SYNE1: variants seen among roughly 807,000 people sequenced by gnomAD.
The protein encoded by SYNE1 is spectrin repeat containing nuclear envelope protein 1.
Under a neutral mutation model 1,111.0 loss-of-function variants are expected in SYNE1, and 616 were observed. That is an observed-to-expected ratio of 0.55 (90% CI 0.52 to 0.59). The LOEUF (loss-of-function observed/expected upper bound fraction) is 0.59, where lower values mean the gene tolerates loss of function less well. Among genes scored for constraint, SYNE1 ranks in the 20% least tolerant of loss-of-function variants. The pLI is 0.00. For synonymous variants in SYNE1, 3,855 were observed against 3,825.8 expected (o/e 1.01, Z -0.28); for missense variants, 10,006 against 10,417.0 (o/e 0.96, Z 1.72).
Position 152,310,265 on chromosome 6 carries a change from T to C in SYNE1, c.17019+131A>G, listed in dbSNP as rs1243483506. 2.9e-6 allele frequency: 4 copies of C among 1,360,128 alleles called. No homozygotes were observed. In the Admixed American group the frequency reaches 5.9e-5, roughly 20 times the overall value. 84.3% of individuals were successfully genotyped at this position (1,360,128 alleles called of 1,614,324 possible). A position where few individuals can be genotyped will look rare whatever the true frequency, so the allele number is the denominator to read the frequency against. On this transcript the variant is annotated intron_variant, in intron 89 of 145. Transcript: ENST00000367255. ...GAGACCAGCCTGGCCAACATAGGGA[T>C]ACCCTGTCTCTATTTAAAAATAAAT...
chr6:152,214,865 A>G, intron 122 of SYNE1, 41 bp downstream of exon 122: 2 of 1,612,492 alleles, frequency 1.2e-6, no homozygotes, highest in Non-Finnish European at 1.7e-6. Flanking sequence ...AAACCAGACT[A>G]AGACAACTGG....
chr6:152,486,998 G>A (rs1336933107), intron 12 of SYNE1, among the ~76,000 whole-genome samples: 1 of 152,112 alleles, frequency 6.6e-6, no homozygotes, highest in Non-Finnish European at 1.5e-5. Context: ...TTTACATTGG[G>A]AAAAATGATA....
At chr6:152,175,242 C>T (rs894630631) in intron 130 of SYNE1, among the ~76,000 whole-genome samples, 4 of 152,030 alleles carry the variant, frequency 2.6e-5, no homozygotes, top group African/African-American at 9.7e-5. Flanking sequence ...ACATTTATTC[C>T]ATTTTGTTTC....
At position 152,326,338 on chromosome 6, in the gene SYNE1, C is replaced by T; in HGVS notation, c.15251G>A (p.Arg5084Lys). The change falls in exon 79 of 146, where the codon AGG becomes AAG. Residue 5084 changes from arginine (R) to lysine (K), a missense_variant. This residue lies in a region of SYNE1 where 4,955 missense variants were observed against 5,017.2 expected (regional missense o/e 0.99). Coordinates refer to ENST00000367255, the MANE Select transcript of SYNE1 (RefSeq NM_182961.4). ...TTGGGCACCAGAGTCCCGGCTCATC[C>T]TCTGGCTCCTGAGTTCCAGAGAAGC... The part of the protein sequence containing the change: ...KVASLELRSQ[R>K]MSRDSGAQVD... 2 of 1,614,122 alleles carry T rather than the reference C, an allele frequency of 1.2e-6. No homozygotes were observed. The highest frequency in any genetic ancestry group is 1.1e-5 in the South Asian group (1 of 91,068).
chr6:152,454,140 T>C (rs1313274048), intron 24 of SYNE1, among the ~76,000 whole-genome samples: 3 of 152,176 alleles, frequency 2.0e-5, no homozygotes, highest in Non-Finnish European at 2.9e-5. Context: ...CAGGGCCTGA[T>C]GCTTCATCAT....
In SYNE1 at chr6:152,330,233, AC is replaced by A; in HGVS notation, c.14451del (p.Met4817IlefsTer16). 1 of 1,614,180 alleles carries A rather than the reference AC, an allele frequency of 6.2e-7. No individual in the cohort carries two copies. Among genetic ancestry groups the A allele is most frequent in the Non-Finnish European group, 8.5e-7 (1 of 1,180,034 alleles). On this transcript the variant is annotated frameshift_variant, in exon 78 of 146. Coordinates refer to ENST00000367255, the MANE Select transcript of SYNE1 (RefSeq NM_182961.4). LOFTEE classifies it high-confidence loss of function. ...ETLPAEEKLK[M>X]YHSLAGSLQD... ...TGGAGACTTCCTGCCAGGGAGTGAT[AC>A]ATTTTGAGCTTCTCCTCTGCAGGCA...
chr6:152,373,550 G>A lies in SYNE1; in HGVS notation c.9325-331C>T, dbSNP rs371242833. ...CCACCTTGGCATCCCAAAGTGCTGG[G>A]ATTACAGGCGTGAGCCACCACACCC... On this transcript the variant is annotated intron_variant, in intron 58 of 145. Transcript: ENST00000367255. Among the ~76,000 whole-genome samples the A allele has an allele frequency of 7.9e-5, 12 of 152,058 alleles. No homozygotes were observed. In the East Asian group the frequency reaches 1.3e-3, roughly 17 times the overall value.
chr6:152,141,054 A>T, intron 139 of SYNE1, 149 bp downstream of exon 139: 1 of 1,200,562 alleles, frequency 8.3e-7, no homozygotes, highest in South Asian at 1.2e-5. Flanking sequence ...ACAAACAACA[A>T]AAAAGGAGAC....
intron 91 of SYNE1, among the ~76,000 whole-genome samples, chr6:152,303,863 G>A (rs988950996): frequency 1.3e-5 from 2 of 151,488 alleles, no homozygotes; most frequent in African/African-American, 4.9e-5. Flanking sequence ...AGAACTTATG[G>A]ATATGGAGGG....
chr6:152,133,719 C>G (rs937247095), intron 142 of SYNE1: 2 of 578,286 alleles, frequency 3.5e-6, no homozygotes, highest in Non-Finnish European at 6.2e-6. Flanking sequence ...TGATTTGATG[C>G]CTGGTCCACA....
chr6:152,398,556 G>T, intron 49 of SYNE1, 63 bp downstream of exon 49: 2 of 1,337,206 alleles, frequency 1.5e-6, no homozygotes, highest in Non-Finnish European at 2.2e-6. Flanking sequence ...AGATAACTTA[G>T]GTCTGCCTGC....
At chr6:152,369,249 T>C in intron 60 of SYNE1, 122 bp from the exon 61 acceptor site, 1 of 1,391,948 alleles carries the variant, frequency 7.2e-7, no homozygotes, top group Non-Finnish European at 9.9e-7. Context: ...GGAGGCTTTA[T>C]TATCTCCAAT....
chr6:152,526,035 A>T (rs2099161941), intron 5 of SYNE1, 45 bp downstream of exon 5: 2 of 1,579,490 alleles, frequency 1.3e-6, no homozygotes, highest in East Asian at 4.5e-5. Flanking sequence ...CCAAATTCCA[A>T]ATGGAAACAA....
At position 152,294,099 on chromosome 6, in the gene SYNE1, G is replaced by A. The variant is rs780348276; in HGVS notation, c.17711C>T (p.Ala5904Val). 5 of 1,613,784 alleles carry A rather than the reference G, an allele frequency of 3.1e-6. No homozygotes were observed. The South Asian group carries it at 5.5e-5, about 18-fold the overall frequency. ...QDIAYYQALS[A>V]ERLQTDAAKI... is the part of the protein sequence containing the mutation. ...TGCAGCATCTGTCTGCAACCTCTCA[G>A]CAGACAAGGCTTGGTAATATGCAAT... The change falls in exon 94 of 146, where the codon GCT becomes GTT. Residue 5904 changes from alanine (A) to valine (V), a missense_variant. Physicochemically the swap from Ala to Val is moderately conservative, Grantham distance 64 (BLOSUM62 0). Coordinates refer to ENST00000367255, the MANE Select transcript of SYNE1 (RefSeq NM_182961.4).
At chr6:152,427,568 G>T in intron 38 of SYNE1, 125 bp downstream of exon 38, 1 of 1,166,140 alleles carries the variant, frequency 8.6e-7, no homozygotes, top group Non-Finnish European at 1.2e-6. Flanking sequence ...GTCAAATGAT[G>T]CTTCAGGAAT....
At chr6:152,125,284 CA>C in intron 145 of SYNE1, 1 of 1,550,398 alleles carries the variant, frequency 6.4e-7, no homozygotes, top group Non-Finnish European at 8.7e-7. Flanking sequence ...CATGTAGAAG[CA>C]AAGAAGAGAA....
intron 3 of SYNE1, among the ~76,000 whole-genome samples, chr6:152,542,609 A>G (rs890038374): frequency 2.6e-5 from 4 of 152,294 alleles, no homozygotes. Flanking sequence ...CTGAACTACC[A>G]AGGTCATCCA....
At position 152,556,582 on chromosome 6, in the gene SYNE1, T is replaced by G. The variant is rs978517552; in HGVS notation, c.68-16561A>C. Among the ~76,000 whole-genome samples, 5 of 152,140 alleles carry G rather than the reference T, an allele frequency of 3.3e-5. No individual in the cohort carries two copies. In the South Asian group the frequency reaches 1.0e-3, roughly 31 times the overall value. On this transcript the variant is annotated intron_variant, in intron 3 of 145. Coordinates refer to ENST00000367255, the MANE Select transcript of SYNE1 (RefSeq NM_182961.4). ...TTCTGTGGACTCAGGTTTTAGGCCA[T>G]CCTCCACAGACCCAGTCTCCAGGCC...
Position 152,189,278 on chromosome 6 carries a change from T to C in SYNE1, c.23275A>G (p.Arg7759Gly), listed in dbSNP as rs1254050612. Reference sequence around the variant, plus strand: ...TGGTGGCATAGTTCTTCCCACTGCCTTTGCAGAAGCTCTACGCGTTCATTA... The same window carrying C: ...TGGTGGCATAGTTCTTCCCACTGCCCTTGCAGAAGCTCTACGCGTTCATTA... ...ILNERVELLQ[R>G]QWEELCHQLS... The change falls in exon 128 of 146, where the codon AGG (arginine) becomes GGG (glycine). Residue 7759 changes from arginine to glycine, a missense_variant. Transcript: ENST00000367255. The C allele has an allele frequency of 1.2e-6, 2 of 1,613,996 alleles. No homozygotes were observed. Among genetic ancestry groups the C allele is most frequent in the Non-Finnish European group, 1.7e-6 (2 of 1,179,982 alleles).
Sources: allele counts gnomAD v4.1 joint callset (sites outside exome capture counted in the v4.1 genomes callset), GRCh38; gene constraint gnomAD v4.1.1; regional missense constraint gnomAD v4.1.1; transcripts MANE v1.5; gene names NCBI Gene and HGNC (gene_info 2026-07-23, HGNC 2026-07-21).